The following BPTF variants were observed in gnomAD, a reference collection of about 807,000 sequenced individuals.
The protein encoded by BPTF is nucleosome-remodeling factor subunit BPTF.
BPTF carries 18 observed loss-of-function variants against 292.5 expected under a neutral mutation model. The ratio of observed to expected loss-of-function variants is 0.06; its 90% CI spans 0.04 to 0.09. The LOEUF (loss-of-function observed/expected upper bound fraction) is 0.09, where lower values mean the gene tolerates loss of function less well. BPTF is among the 10% of genes least tolerant of loss of function. The pLI is 1.00. For synonymous variants in BPTF, 1,225 were observed against 1,251.9 expected (o/e 0.98, Z 0.45); for missense variants, 2,726 against 3,498.7 (o/e 0.78, Z 5.57).
At chr17:67,897,330 A>T (rs554342181) in intron 7 of BPTF, among the ~76,000 whole-genome samples, 1 of 141,758 alleles carries the variant, frequency 7.1e-6, no homozygotes, top group East Asian at 2.0e-4. Context: ...AACAAGAGTG[A>T]AACTCTGTCT....
chr17:67,847,287 G>A (rs2058090997), intron 1 of BPTF, among the ~76,000 whole-genome samples: 1 of 152,014 alleles, frequency 6.6e-6, no homozygotes. Context: ...AGCCGAGGTG[G>A]GTGGATCACC....
chr17:67,896,176 A>T (rs1437090433), intron 7 of BPTF, among the ~76,000 whole-genome samples: 1 of 152,032 alleles, frequency 6.6e-6, no homozygotes, highest in South Asian at 2.1e-4. Context: ...GTTAGCCAGG[A>T]TGGTCTCCAT....
At position 67,982,367 on chromosome 17, in the gene BPTF, T is replaced by C; in HGVS notation, c.*79T>C. 7.4e-7 allele frequency: 1 copy of C among 1,358,474 alleles called. No individual in the cohort carries two copies. The highest frequency in any genetic ancestry group is 1.2e-5 in the South Asian group (1 of 83,026). The allele number at this position is 1,358,474 out of a possible 1,614,324, so 84.2% of individuals were successfully genotyped here. ...TATTTTAAATTAAGGAGCCAGATGT[T>C]TTTAGTCAGGCTATCCTGACAAGAC... On this transcript the variant is annotated 3_prime_UTR_variant, in exon 28 of 28. Transcript: ENST00000306378.
At chr17:67,895,676 T>C (rs575211167) in intron 7 of BPTF, among the ~76,000 whole-genome samples, 1 of 152,094 alleles carries the variant, frequency 6.6e-6, no homozygotes, top group South Asian at 2.1e-4. Flanking sequence ...TTGCCCAGGC[T>C]GTTCTTGAAC....
chr17:67,949,682 G>T (rs77511919), intron 23 of BPTF, among the ~76,000 whole-genome samples: 1 of 7,008 alleles, frequency 1.4e-4, no homozygotes, highest in Non-Finnish European at 5.7e-3. Context: ...TATACACACA[G>T]ACATACATAT....
At chr17:67,922,755 A>G (rs1319480483) in intron 13 of BPTF, 85 bp from the exon 14 acceptor site, 6 of 1,456,728 alleles carry the variant, frequency 4.1e-6, no homozygotes, top group African/African-American at 2.9e-5. Flanking sequence ...AAGTTTGCCA[A>G]CCACTTTTTC....
intron 7 of BPTF, among the ~76,000 whole-genome samples, chr17:67,901,288 A>G (rs1010126132): frequency 2.0e-5 from 3 of 150,208 alleles, no homozygotes; most frequent in Non-Finnish European, 2.9e-5. Context: ...AAACATTTAG[A>G]TTGATGAAGA....
chr17:67,919,557 T>TC (rs981011495), intron 12 of BPTF, among the ~76,000 whole-genome samples: 3 of 152,112 alleles, frequency 2.0e-5, no homozygotes, highest in African/African-American at 4.8e-5. Flanking sequence ...AATTTTTTTT[T>TC]CACATACAGC....
chr17:67,856,776 C>T (rs1307779382), intron 2 of BPTF, among the ~76,000 whole-genome samples: 1 of 152,176 alleles, frequency 6.6e-6, no homozygotes, highest in East Asian at 1.9e-4. Context: ...TTATTGTGCA[C>T]ACAGCATTTA....
chr17:67,844,070 CTTTTTTTTTT>C (rs35407119), intron 1 of BPTF, among the ~76,000 whole-genome samples: 1,097 of 94,374 alleles, frequency 0.012, 49 homozygotes, highest in African/African-American at 0.039. Flanking sequence ...CGGCCCCCGC[CTTTTTTTTTT>C]TTTTTTTTTT....
intron 25 of BPTF, 46 bp downstream of exon 25, chr17:67,964,450 A>G (rs782794869): frequency 1.9e-6 from 3 of 1,545,738 alleles, no homozygotes; most frequent in African/African-American, 1.4e-5. Flanking sequence ...ATCAGCCAGC[A>G]TAATTTTGGA....
In BPTF at chr17:67,854,784, T is replaced by C; in HGVS notation, c.1436+22T>C. ...TAATGTAAGTAAATCTGGTCTTAAT[T>C]TTTTGTATGCATTTAAAATTAGACT... is the stretch of plus-strand genomic sequence containing the variant. On this transcript the variant is annotated intron_variant, in intron 2 of 27. Transcript: ENST00000306378. This position sits in a 1 kb window ranked among gnomAD's most constrained non-coding sequence, Gnocchi z 5.6. 6.4e-7 allele frequency: 1 copy of C among 1,552,484 alleles called. No individual in the cohort carries two copies. Among genetic ancestry groups the C allele is most frequent in the African/African-American group, 1.4e-5 (1 of 73,216 alleles).
chr17:67,826,029 C>T lies in BPTF; in HGVS notation c.305C>T (p.Thr102Met). 1 of 1,177,980 alleles carries T rather than the reference C, an allele frequency of 8.5e-7. No homozygotes were observed. The highest frequency in any genetic ancestry group is 1.1e-6 in the Non-Finnish European group (1 of 934,826). 73.0% of individuals were successfully genotyped at this position (1,177,980 alleles called of 1,614,324 possible). Residue 102 changes from threonine (T) to methionine (M), a missense_variant, in exon 1 of 28, where the codon ACG becomes ATG. Physicochemically the swap from Thr to Met is moderately conservative, Grantham distance 81. Coordinates refer to ENST00000306378, the MANE Select transcript of BPTF (RefSeq NM_182641.4). The part of the protein sequence containing the change: ...RGGRGGGGGR[T>M]GGGGGGGHLA... ...GGGCGAGGAGGCGGGGGCGGCAGGA[C>T]GGGGGGCGGGGGCGGCGGCGGCCAC...
Position 67,913,169 on chromosome 17 carries a change from C to A in BPTF, c.5285C>A (p.Thr1762Asn), listed in dbSNP as rs769355818. The change falls in exon 11 of 28, where the codon ACC becomes AAC. Residue 1762 changes from threonine to asparagine, a missense_variant. This residue lies in a region of BPTF where 36 missense variants were observed against 34.7 expected (regional missense o/e 1.04). Coordinates refer to ENST00000306378, the MANE Select transcript of BPTF (RefSeq NM_182641.4). The part of the protein sequence containing the change: ...DIWPYPSPRP[T>N]FGITWRYRLQ... ...TGGCCATATCCTTCTCCTAGACCGACCTTTGGCATCACTTGGAGGTATGTA... is the reference window on the plus strand; with the variant it reads ...TGGCCATATCCTTCTCCTAGACCGAACTTTGGCATCACTTGGAGGTATGTA... The A allele has an allele frequency of 1.4e-5, 23 of 1,601,784 alleles. No homozygotes were observed. The highest frequency in any genetic ancestry group is 3.5e-5 in the Admixed American group (2 of 56,838).
At chr17:67,870,539 A>G (rs2059658441) in intron 3 of BPTF, among the ~76,000 whole-genome samples, 1 of 152,104 alleles carries the variant, frequency 6.6e-6, no homozygotes, top group Non-Finnish European at 1.5e-5. Context: ...CTGGTAACTA[A>G]AATCTTGGCT....
intron 3 of BPTF, among the ~76,000 whole-genome samples, chr17:67,871,202 A>G (rs1230197193): frequency 6.6e-6 from 1 of 152,140 alleles, no homozygotes; most frequent in Non-Finnish European, 1.5e-5. Flanking sequence ...ATTTTATTAA[A>G]AATTTCAAAT....
rs2146935222 is a variant in BPTF at position 67,911,860 on chromosome 17, G to A, written c.3976G>A (p.Val1326Ile). ...SEQFRTREQD[V>I]EVLEPLKCEL... ...ACAGTTCAGAACTCGAGAACAAGAT[G>A]TTGAAGTCTTGGAGCCGTTAAAGTG... The change falls in exon 11 of 28, where the codon GTT becomes ATT. Residue 1326 changes from valine (V) to isoleucine (I), a missense_variant. Coordinates refer to ENST00000306378, the MANE Select transcript of BPTF (RefSeq NM_182641.4). 4 of 1,614,096 alleles carry A rather than the reference G, an allele frequency of 2.5e-6. No individual in the cohort carries two copies. The highest frequency in any genetic ancestry group is 3.4e-6 in the Non-Finnish European group (4 of 1,179,998).
At chr17:67,870,110 A>G (rs1163014778) in intron 3 of BPTF, among the ~76,000 whole-genome samples, 1 of 152,014 alleles carries the variant, frequency 6.6e-6, no homozygotes, top group Non-Finnish European at 1.5e-5. Context: ...AAGTTAGATG[A>G]CTAAAATTTG....
chr17:67,941,338 A>T (rs1555671869), intron 19 of BPTF, among the ~76,000 whole-genome samples: 1 of 152,210 alleles, frequency 6.6e-6, no homozygotes, highest in African/African-American at 2.4e-5. Flanking sequence ...TTGTAATCAC[A>T]GCTACTCAGG....
Sources: gnomAD v4.1 joint callset for allele counts (sites outside exome capture counted in the v4.1 genomes callset) on GRCh38, gnomAD v4.1.1 for gene constraint, gnomAD v4.1.1 regional missense constraint, Gnocchi (gnomAD v3.1) non-coding constraint, MANE v1.5 for transcripts, NCBI Gene and HGNC (gene_info 2026-07-23, HGNC 2026-07-21) for gene names.